Variants in L3MBTL4 observed in about 807,000 individuals in gnomAD.
The protein encoded by L3MBTL4 is lethal(3)malignant brain tumor-like protein 4.
L3MBTL4 carries 70 observed loss-of-function variants against 84.5 expected under a neutral mutation model. The observed-to-expected ratio is 0.83, with a 90% CI of 0.68 to 1.01. The LOEUF (loss-of-function observed/expected upper bound fraction) is 1.01. L3MBTL4 is among the 50% of genes least tolerant of loss of function. L3MBTL4 has a pLI of 0.00. For missense variants in L3MBTL4, 715 were observed against 754.8 expected, an observed-to-expected ratio of 0.95 and a Z score of 0.62; for synonymous variants, 274 against 259.8, an observed-to-expected ratio of 1.05 and a Z score of -0.52.
intron 1 of L3MBTL4, among the ~76,000 whole-genome samples, chr18:6,399,182 G>A (rs1278480411): frequency 1.3e-5 from 2 of 152,198 alleles, no homozygotes; most frequent in Non-Finnish European, 2.9e-5. Context: ...GCTCAAGCCT[G>A]TAATCCCAGC....
intron 17 of L3MBTL4, among the ~76,000 whole-genome samples, chr18:5,963,764 A>C (rs16949095): frequency 0.072 from 10,955 of 152,308 alleles, 494 homozygotes; most frequent in African/African-American, 0.13. Flanking sequence ...TTTCTCAATG[A>C]AAGTGGTGAG....
At chr18:6,183,531 T>C (rs1227522598) in intron 12 of L3MBTL4, among the ~76,000 whole-genome samples, 2 of 152,338 alleles carry the variant, frequency 1.3e-5, no homozygotes, top group South Asian at 2.1e-4. Flanking sequence ...TGATTTGTCC[T>C]GAGATTCTGA....
At chr18:5,997,149 C>T (rs560331110) in intron 16 of L3MBTL4, among the ~76,000 whole-genome samples, 4 of 150,674 alleles carry the variant, frequency 2.7e-5, no homozygotes, top group Admixed American at 1.3e-4. Context: ...TTTGCATTTA[C>T]GCTGTGTTAG....
chr18:6,114,273 T>TA (rs1386953685), intron 14 of L3MBTL4, among the ~76,000 whole-genome samples: 1 of 152,186 alleles, frequency 6.6e-6, no homozygotes, highest in African/African-American at 2.4e-5. Flanking sequence ...CCCTGCCACC[T>TA]TCTTATTTAA....
intron 18 of L3MBTL4, among the ~76,000 whole-genome samples, chr18:5,957,445 G>C (rs945860627): frequency 6.6e-6 from 1 of 151,786 alleles, no homozygotes; most frequent in Non-Finnish European, 1.5e-5. Flanking sequence ...AGACTCACAG[G>C]ATGGCAGTGG....
intron 16 of L3MBTL4, among the ~76,000 whole-genome samples, chr18:6,078,831 T>A (rs2057964974): frequency 6.6e-6 from 1 of 152,184 alleles, no homozygotes; most frequent in African/African-American, 2.4e-5. Context: ...TAATGTAGAA[T>A]CAGTGGGAGC....
chr18:6,049,996 G>A (rs971646606), intron 16 of L3MBTL4, among the ~76,000 whole-genome samples: 24 of 152,152 alleles, frequency 1.6e-4, no homozygotes, highest in Admixed American at 1.4e-3. Flanking sequence ...AACTGATCAG[G>A]ATGTGAGCTA....
At chr18:6,218,023 CTT>C (rs1207761145) in intron 10 of L3MBTL4, among the ~76,000 whole-genome samples, 1 of 152,062 alleles carries the variant, frequency 6.6e-6, no homozygotes, top group African/African-American at 2.4e-5. Flanking sequence ...TTTAAGCTCT[CTT>C]GAGGTTTCCT....
chr18:6,384,986 A>AG (rs1179593287), intron 1 of L3MBTL4, among the ~76,000 whole-genome samples: 1 of 152,138 alleles, frequency 6.6e-6, no homozygotes, highest in Admixed American at 6.5e-5. Flanking sequence ...CCTTTGGGGG[A>AG]GAATAGAGAA....
chr18:6,110,275 G>A (rs186108843), intron 14 of L3MBTL4, among the ~76,000 whole-genome samples: 3 of 152,288 alleles, frequency 2.0e-5, no homozygotes, highest in East Asian at 1.9e-4. Context: ...GTACATTTAT[G>A]AGAGTCAGTT....
At chr18:6,055,491 T>C (rs2056989644) in intron 16 of L3MBTL4, among the ~76,000 whole-genome samples, 1 of 145,550 alleles carries the variant, frequency 6.9e-6, no homozygotes, top group South Asian at 2.1e-4. Context: ...AAGGCACAGA[T>C]TGATTGATTG....
rs200162539 is a variant in L3MBTL4, at chr18:6,221,710, C to A, written c.785-5875G>T. On this transcript the variant is annotated intron_variant, in intron 10 of 18. Transcript: ENST00000317931. ...AATAATTAGGATTATGTGACTAGTACCAGTGCGGCCCTGGCTAGCTTTCAC... is the reference window on the plus strand; with the variant it reads ...AATAATTAGGATTATGTGACTAGTAACAGTGCGGCCCTGGCTAGCTTTCAC... Among the ~76,000 whole-genome samples the A allele has an allele frequency of 6.6e-5, 10 of 152,284 alleles. No individual in the cohort carries two copies. The East Asian group carries it at 1.7e-3, about 26-fold the overall frequency.
chr18:6,092,010 G>C (rs563611825), intron 15 of L3MBTL4, among the ~76,000 whole-genome samples: 7 of 152,242 alleles, frequency 4.6e-5, no homozygotes, highest in African/African-American at 1.7e-4. Context: ...GTGTGGGTGT[G>C]AAACAGCAGT....
chr18:6,090,599 CACACA>C (rs1568102199), intron 15 of L3MBTL4, among the ~76,000 whole-genome samples: 3,344 of 135,266 alleles, frequency 0.025, 116 homozygotes, highest in African/African-American at 0.11. Flanking sequence ...TATATACACA[CACACA>C]CACACACACA....
intron 1 of L3MBTL4, among the ~76,000 whole-genome samples, chr18:6,337,356 T>C (rs2052392294): frequency 6.6e-6 from 1 of 152,070 alleles, no homozygotes; most frequent in African/African-American, 2.4e-5. Flanking sequence ...GTACTTATAA[T>C]AACAAAATGT....
chr18:6,002,719 C>G (rs1474405202), intron 16 of L3MBTL4, among the ~76,000 whole-genome samples: 3 of 151,802 alleles, frequency 2.0e-5, no homozygotes, highest in Non-Finnish European at 2.9e-5. Context: ...AAAGGAATTT[C>G]AAATTGTCAC....
intron 16 of L3MBTL4, among the ~76,000 whole-genome samples, chr18:6,062,037 T>C (rs2057240047): frequency 6.6e-6 from 1 of 151,998 alleles, no homozygotes; most frequent in Non-Finnish European, 1.5e-5. Flanking sequence ...CTATAAAAAG[T>C]AAAATATTTT....
chr18:6,238,833 CAGGGACATATGTGG>C (rs572824392), intron 9 of L3MBTL4, among the ~76,000 whole-genome samples: 1 of 151,698 alleles, frequency 6.6e-6, no homozygotes, highest in Non-Finnish European at 1.5e-5. Flanking sequence ...CTGCCTCAGG[CAGGGACATATGTGG>C]AGGGACATAT....
chr18:6,066,307 CTGA>C (rs1190478510), intron 16 of L3MBTL4, among the ~76,000 whole-genome samples: 1 of 152,096 alleles, frequency 6.6e-6, no homozygotes, highest in Non-Finnish European at 1.5e-5. Context: ...GCTCCATGTG[CTGA>C]TGAATAGAAT....
Sources: allele counts gnomAD v4.1 joint callset (sites outside exome capture counted in the v4.1 genomes callset), GRCh38; gene constraint gnomAD v4.1.1; transcripts MANE v1.5; gene names NCBI Gene and HGNC (gene_info 2026-07-23, HGNC 2026-07-21).